Variants in SLC39A11 observed in about 807,000 individuals in gnomAD.
SLC39A11 encodes the protein zinc transporter ZIP11.
In SLC39A11, 33 loss-of-function variants were observed where a neutral mutation model predicts 36.1. The ratio of observed to expected loss-of-function variants is 0.91; its 90% CI spans 0.69 to 1.22. SLC39A11 has a LOEUF of 1.22. Ranked by LOEUF, SLC39A11 falls within the 50% of genes most tolerant of loss-of-function variation. The pLI is 0.00. For missense variants in SLC39A11, 432 were observed against 430.3 expected (o/e 1.00, Z -0.03); for synonymous variants, 166 against 170.3 (o/e 0.97, Z 0.20).
chr17:72,867,215 G>T (rs2080345681), intron 5 of SLC39A11, among the ~76,000 whole-genome samples: 2 of 152,072 alleles, frequency 1.3e-5, no homozygotes, highest in Non-Finnish European at 1.5e-5. Context: ...GAAAGTAAAA[G>T]GAAGCCAGGA....
intron 6 of SLC39A11, among the ~76,000 whole-genome samples, chr17:72,848,720 T>TAAAAA (rs35460918): frequency 6.9e-6 from 1 of 144,324 alleles, no homozygotes; most frequent in Non-Finnish European, 1.5e-5. Context: ...GACTCTGTCT[T>TAAAAA]AAAAAAAAAA....
At chr17:72,880,228 A>ATC (rs1477127591) in intron 5 of SLC39A11, among the ~76,000 whole-genome samples, 2 of 152,238 alleles carry the variant, frequency 1.3e-5, no homozygotes. Context: ...GGGGAATGAC[A>ATC]GAGGACAGCA....
intron 4 of SLC39A11, among the ~76,000 whole-genome samples, chr17:73,017,427 T>C (rs929013964): frequency 1.3e-5 from 2 of 152,264 alleles, no homozygotes; most frequent in African/African-American, 2.4e-5. Context: ...AAATTCAGGA[T>C]GCTGGCCAGG....
intron 5 of SLC39A11, among the ~76,000 whole-genome samples, chr17:72,911,544 C>T (rs1050690690): frequency 6.6e-6 from 1 of 152,118 alleles, no homozygotes; most frequent in African/African-American, 2.4e-5. Context: ...CTCCCTTTTC[C>T]TGTCAGCCTC....
intron 4 of SLC39A11, among the ~76,000 whole-genome samples, chr17:72,978,804 G>A (rs545184534): frequency 4.6e-5 from 7 of 152,274 alleles, no homozygotes; most frequent in South Asian, 4.1e-4. Flanking sequence ...TCATGAGAAC[G>A]AAAGGAAACA....
In SLC39A11 at chr17:72,899,754, G is replaced by A. The variant is rs184740150; in HGVS notation, c.430+47998C>T. ...AGGTGGACGGATCACTTGAGGTCACGAGTTTGAGGACAGCCTGGCCAAAAT... is the reference window on the plus strand; with the variant it reads ...AGGTGGACGGATCACTTGAGGTCACAAGTTTGAGGACAGCCTGGCCAAAAT... On this transcript the variant is annotated intron_variant, in intron 5 of 9. Transcript: ENST00000255559. Among the ~76,000 whole-genome samples the A allele has an allele frequency of 1.1e-4, 17 of 152,266 alleles. No individual in the cohort carries two copies. The East Asian group carries it at 3.3e-3, about 29-fold the overall frequency.
intron 7 of SLC39A11, among the ~76,000 whole-genome samples, chr17:72,689,501 A>G (rs2071919534): frequency 6.6e-6 from 1 of 152,222 alleles, no homozygotes; most frequent in Non-Finnish European, 1.5e-5. Context: ...ACACCTGTTC[A>G]TGTCAGCATT....
chr17:72,668,568 C>T (rs1255438254), intron 7 of SLC39A11, among the ~76,000 whole-genome samples: 1 of 152,076 alleles, frequency 6.6e-6, no homozygotes, highest in Non-Finnish European at 1.5e-5. Context: ...CAGCAATGTG[C>T]AGAGGGGTAG....
chr17:73,030,101 C>T (rs2058691971), intron 4 of SLC39A11, among the ~76,000 whole-genome samples: 1 of 152,192 alleles, frequency 6.6e-6, no homozygotes, highest in Admixed American at 6.5e-5. Flanking sequence ...ATGCGCAGCT[C>T]GCAGCAGGGT....
chr17:73,022,007 A>G (rs2058368489), intron 4 of SLC39A11, among the ~76,000 whole-genome samples: 1 of 152,228 alleles, frequency 6.6e-6, no homozygotes, highest in Non-Finnish European at 1.5e-5. Context: ...TATATCGACA[A>G]CAGAGGTGGG....
intron 5 of SLC39A11, among the ~76,000 whole-genome samples, chr17:72,901,323 G>C (rs1406887512): frequency 6.6e-6 from 1 of 152,244 alleles, no homozygotes; most frequent in Non-Finnish European, 1.5e-5. Context: ...CCTGGAGATA[G>C]TCAGTGTGTG....
chr17:72,800,069 G>A (rs530238433), intron 6 of SLC39A11, among the ~76,000 whole-genome samples: 41 of 152,046 alleles, frequency 2.7e-4, no homozygotes, highest in African/African-American at 9.9e-4. Context: ...GACACTTATG[G>A]AAAATAGAAA....
intron 6 of SLC39A11, among the ~76,000 whole-genome samples, chr17:72,799,342 GAAC>G (rs1196183642): frequency 6.6e-6 from 1 of 152,092 alleles, no homozygotes; most frequent in Non-Finnish European, 1.5e-5. Flanking sequence ...ATGTCTGTTT[GAAC>G]AATATGAAAT....
intron 7 of SLC39A11, among the ~76,000 whole-genome samples, chr17:72,715,636 G>A (rs1449900299): frequency 1.3e-5 from 2 of 152,144 alleles, no homozygotes; most frequent in Admixed American, 1.3e-4. Flanking sequence ...GCCAGGGGCT[G>A]GGGGGAGATA....
intron 2 of SLC39A11, among the ~76,000 whole-genome samples, chr17:73,087,306 G>A (rs1433160051): frequency 6.6e-6 from 1 of 152,116 alleles, no homozygotes; most frequent in Non-Finnish European, 1.5e-5. Flanking sequence ...GGGAGGTCGG[G>A]ATTTTATTGT....
At chr17:72,661,544 C>G (rs538139140) in intron 7 of SLC39A11, among the ~76,000 whole-genome samples, 4 of 152,268 alleles carry the variant, frequency 2.6e-5, no homozygotes, top group African/African-American at 4.8e-5. Context: ...CCCTTACATA[C>G]TGTTTTGATT....
chr17:72,998,872 G>C (rs749355765), intron 4 of SLC39A11, among the ~76,000 whole-genome samples: 92 of 152,226 alleles, frequency 6.0e-4, no homozygotes, highest in Admixed American at 2.0e-3. Flanking sequence ...GGAGATGGCG[G>C]CGTTTTCCGC....
intron 7 of SLC39A11, among the ~76,000 whole-genome samples, chr17:72,719,278 G>T (rs982405783): frequency 2.0e-5 from 3 of 152,074 alleles, no homozygotes; most frequent in African/African-American, 7.2e-5. Context: ...CTTACCAGAA[G>T]AATGACCTCT....
chr17:72,766,004 T>A (rs1416110958), intron 6 of SLC39A11, among the ~76,000 whole-genome samples: 1 of 152,158 alleles, frequency 6.6e-6, no homozygotes, highest in Non-Finnish European at 1.5e-5. Context: ...GCAGCTCCTG[T>A]TGGCAAAAGT....
Sources: gnomAD v4.1 joint callset for allele counts (sites outside exome capture counted in the v4.1 genomes callset) on GRCh38, gnomAD v4.1.1 for gene constraint, MANE v1.5 for transcripts, NCBI Gene and HGNC (gene_info 2026-07-23, HGNC 2026-07-21) for gene names.